EPAS1: variants seen among roughly 807,000 people sequenced by gnomAD.
The protein encoded by EPAS1 is endothelial PAS domain-containing protein 1.
A neutral mutation model predicts 87.9 loss-of-function variants in EPAS1; 23 were observed. The ratio of observed to expected loss-of-function variants is 0.26; its 90% CI spans 0.19 to 0.37. EPAS1 has a LOEUF of 0.37. Ranked by LOEUF, EPAS1 falls within the 10% of genes least tolerant of loss-of-function variation. The pLI is 1.00. For missense variants in EPAS1, 1,138 were observed against 1,120.7 expected (o/e 1.02, Z -0.22); for synonymous variants, 508 against 444.3 (o/e 1.14, Z -1.80).
Position 46,318,942 on chromosome 2 carries a change from G to T in EPAS1, c.26+21005G>T, listed in dbSNP as rs920074134. Among the ~76,000 whole-genome samples, 11 of 152,252 alleles carry T rather than the reference G, an allele frequency of 7.2e-5. No individual in the cohort carries two copies. In the South Asian group the frequency reaches 2.3e-3, roughly 32 times the overall value. Reference sequence around the variant, plus strand: ...GTTGTATTAAGTTCCACTTATAGAGGTATCATAGTGAAACCCTTATTCATT... The same window carrying T: ...GTTGTATTAAGTTCCACTTATAGAGTTATCATAGTGAAACCCTTATTCATT... On this transcript the variant is annotated intron_variant, in intron 1 of 15. Coordinates refer to ENST00000263734, the MANE Select transcript of EPAS1 (RefSeq NM_001430.5).
At chr2:46,327,106 A>G (rs1435333729) in intron 1 of EPAS1, among the ~76,000 whole-genome samples, 1 of 152,186 alleles carries the variant, frequency 6.6e-6, no homozygotes, top group African/African-American at 2.4e-5. Flanking sequence ...GTGACTTACA[A>G]CCTCCAGGTC....
intron 1 of EPAS1, among the ~76,000 whole-genome samples, chr2:46,329,867 CA>C (rs1683640852): frequency 6.6e-6 from 1 of 152,132 alleles, no homozygotes; most frequent in Non-Finnish European, 1.5e-5. Flanking sequence ...TTCTTAAAGA[CA>C]AAAACACCTC....
At chr2:46,299,673 T>C (rs916685882) in intron 1 of EPAS1, among the ~76,000 whole-genome samples, 3 of 152,218 alleles carry the variant, frequency 2.0e-5, no homozygotes, top group Non-Finnish European at 4.4e-5. Flanking sequence ...ACAGTAATCT[T>C]GACAAATGTG....
chr2:46,322,394 C>A (rs10193827), intron 1 of EPAS1, among the ~76,000 whole-genome samples: 1 of 152,012 alleles, frequency 6.6e-6, no homozygotes, highest in Admixed American at 6.5e-5. Flanking sequence ...TTGTAAGTGC[C>A]GCAGGACTTA....
At chr2:46,323,733 T>A (rs1423393228) in intron 1 of EPAS1, among the ~76,000 whole-genome samples, 2 of 152,026 alleles carry the variant, frequency 1.3e-5, no homozygotes, top group African/African-American at 4.8e-5. Context: ...AAAGTAATAT[T>A]TTTTTTTCCT....
intron 1 of EPAS1, among the ~76,000 whole-genome samples, chr2:46,324,112 G>T (rs1000577993): frequency 1.3e-5 from 2 of 152,236 alleles, no homozygotes; most frequent in Non-Finnish European, 2.9e-5. Context: ...TGTAGCCCAG[G>T]CTGGAGTGCG....
chr2:46,332,333 T>C (rs1429834770), intron 1 of EPAS1, among the ~76,000 whole-genome samples: 2 of 63,972 alleles, frequency 3.1e-5, no homozygotes, highest in African/African-American at 7.7e-5. Context: ...TGTGTGTGTG[T>C]ATCAACTTGT....
At chr2:46,381,321 G>C (rs1684885996) in intron 12 of EPAS1, 1 of 505,926 alleles carries the variant, frequency 2.0e-6, no homozygotes, top group Non-Finnish European at 3.6e-6. Flanking sequence ...GAGAGACATG[G>C]GCAGAAGAAA....
At chr2:46,325,774 A>G (rs1169158565) in intron 1 of EPAS1, among the ~76,000 whole-genome samples, 1 of 152,120 alleles carries the variant, frequency 6.6e-6, no homozygotes, top group Non-Finnish European at 1.5e-5. Flanking sequence ...TTTGGCGAAA[A>G]ACTTGAAATC....
At chr2:46,298,077 G>C in intron 1 of EPAS1, 140 bp downstream of exon 1, 1 of 1,089,828 alleles carries the variant, frequency 9.2e-7, no homozygotes, top group Non-Finnish European at 1.3e-6. Flanking sequence ...GGGCTGTGAG[G>C]GGGAGAGCAT....
chr2:46,372,516 G>A (rs1318205209), intron 7 of EPAS1, among the ~76,000 whole-genome samples: 1 of 152,242 alleles, frequency 6.6e-6, no homozygotes, highest in Non-Finnish European at 1.5e-5. Flanking sequence ...ATTGAAAGCT[G>A]TAATTTCCAA....
chr2:46,382,335 C>G, intron 14 of EPAS1, 90 bp from the exon 15 acceptor site: 2 of 1,542,136 alleles, frequency 1.3e-6, no homozygotes, highest in South Asian at 1.1e-5. Context: ...CTCTGAGCAC[C>G]TTTTATAAAG....
chr2:46,363,608 T>A (rs1003148307), intron 6 of EPAS1, among the ~76,000 whole-genome samples: 5 of 152,110 alleles, frequency 3.3e-5, no homozygotes, highest in African/African-American at 1.2e-4. Flanking sequence ...AGAGGAAATG[T>A]ACATAGAAAG....
At chr2:46,329,890 A>G (rs948944144) in intron 1 of EPAS1, among the ~76,000 whole-genome samples, 4 of 152,206 alleles carry the variant, frequency 2.6e-5, no homozygotes, top group Admixed American at 6.5e-5. Flanking sequence ...GGCTGTCTGC[A>G]TAGCTTCTGC....
Position 46,371,055 on chromosome 2 carries a change from G to T in EPAS1, c.886+1122G>T, listed in dbSNP as rs771298680. Among the ~76,000 whole-genome samples, 1 of 152,136 alleles carries T rather than the reference G, an allele frequency of 6.6e-6. No individual in the cohort carries two copies. Among genetic ancestry groups the T allele is most frequent in the Non-Finnish European group, 1.5e-5 (1 of 68,032 alleles). The stretch of plus-strand genomic sequence containing the variant: ...AGGCACTAAATGCACTATATAAACC[G>T]ATGGGCAAGACTGTATTTGGAAAAG... On this transcript the variant is annotated intron_variant, in intron 7 of 15. Transcript: ENST00000263734. This position sits in a 1 kb window ranked among gnomAD's most constrained non-coding sequence, Gnocchi z 4.3.
intron 1 of EPAS1, among the ~76,000 whole-genome samples, chr2:46,299,827 G>A (rs1682960930): frequency 6.6e-6 from 1 of 152,228 alleles, no homozygotes; most frequent in Non-Finnish European, 1.5e-5. Context: ...CTGTTGGAAA[G>A]AGAGAAGAAG....
intron 6 of EPAS1, among the ~76,000 whole-genome samples, chr2:46,361,733 T>C (rs1428993926): frequency 2.6e-5 from 4 of 152,226 alleles, no homozygotes; most frequent in Non-Finnish European, 5.9e-5. Context: ...TTAGCTCTTA[T>C]TATCACCTTT....
In EPAS1 at chr2:46,342,358, A is replaced by G. The variant is rs540818408; in HGVS notation, c.27-4515A>G. 9.9e-5 allele frequency among the ~76,000 whole-genome samples: 15 copies of G among 152,120 alleles called. No homozygotes were observed. The South Asian group carries it at 1.9e-3, about 19-fold the overall frequency. On this transcript the variant is annotated intron_variant, in intron 1 of 15. Transcript: ENST00000263734. ...CCTCTCCCAATTGCATTTGACCTTT[A>G]TTTCCTCCATTCTCAGCTTCTTGCA...
chr2:46,372,991 G>T (rs956676016), intron 7 of EPAS1, among the ~76,000 whole-genome samples: 2 of 152,218 alleles, frequency 1.3e-5, no homozygotes, highest in Non-Finnish European at 2.9e-5. Flanking sequence ...GCAACAGCAA[G>T]TTTGGTCTTC....
Sources: gnomAD v4.1 joint callset for allele counts (sites outside exome capture counted in the v4.1 genomes callset) on GRCh38, gnomAD v4.1.1 for gene constraint, Gnocchi (gnomAD v3.1) non-coding constraint, MANE v1.5 for transcripts, NCBI Gene and HGNC (gene_info 2026-07-23, HGNC 2026-07-21) for gene names.